Variants in ANKS1B observed in about 807,000 individuals in gnomAD.
The protein encoded by ANKS1B is ankyrin repeat and sterile alpha motif domain containing 1B.
Under a neutral mutation model 148.3 loss-of-function variants are expected in ANKS1B, and 36 were observed. The observed-to-expected ratio is 0.24, with a 90% CI of 0.19 to 0.32. ANKS1B has a LOEUF of 0.32. ANKS1B is among the 10% of genes least tolerant of loss of function. The pLI, the probability that ANKS1B is intolerant of heterozygous loss-of-function variation, is 1.00. For synonymous variants in ANKS1B, 542 were observed against 560.8 expected, an observed-to-expected ratio of 0.97 and a Z score of 0.47; for missense variants, 1,157 against 1,542.6, an observed-to-expected ratio of 0.75 and a Z score of 4.19.
At position 98,872,407 on chromosome 12, in the gene ANKS1B, C is replaced by T. The variant is rs529428937; in HGVS notation, c.2779-40271G>A. Among the ~76,000 whole-genome samples the T allele has an allele frequency of 5.3e-5, 8 of 152,196 alleles. No homozygotes were observed. In the East Asian group the frequency reaches 1.2e-3, roughly 22 times the overall value. On this transcript the variant is annotated intron_variant, in intron 17 of 26. Transcript: ENST00000683438. Reference sequence around the variant, plus strand: ...TACAAAAATTAGCTGGGCATGGTGGCGTGTGCCTGTAATCTCAGCTACTCG... The same window carrying T: ...TACAAAAATTAGCTGGGCATGGTGGTGTGTGCCTGTAATCTCAGCTACTCG...
At chr12:99,566,009 T>C (rs78366466) in intron 9 of ANKS1B, among the ~76,000 whole-genome samples, 2,345 of 152,282 alleles carry the variant, frequency 0.015, 70 homozygotes, top group East Asian at 0.1. Flanking sequence ...AGAGCCTTTG[T>C]ACTGAATACG....
chr12:98,831,916 A>T, intron 18 of ANKS1B, 113 bp downstream of exon 18: 1 of 994,520 alleles, frequency 1.0e-6, no homozygotes, highest in Non-Finnish European at 1.5e-6. Context: ...CACCTGGCTA[A>T]ATTTTTTCTG....
intron 8 of ANKS1B, among the ~76,000 whole-genome samples, chr12:99,705,388 A>G (rs2153527535): frequency 6.6e-6 from 1 of 152,182 alleles, no homozygotes; most frequent in African/African-American, 2.4e-5. Context: ...ACTTCCCATT[A>G]GGAGCTTAAA....
At chr12:99,627,945 A>G (rs570438804) in intron 9 of ANKS1B, among the ~76,000 whole-genome samples, 1 of 152,310 alleles carries the variant, frequency 6.6e-6, no homozygotes, top group African/African-American at 2.4e-5. Flanking sequence ...CCCATCTCGC[A>G]TTCCACAAAG....
At chr12:99,836,449 T>TAA (rs1432346244) in intron 1 of ANKS1B, among the ~76,000 whole-genome samples, 1 of 152,178 alleles carries the variant, frequency 6.6e-6, no homozygotes, top group Non-Finnish European at 1.5e-5. Context: ...TTCTGATGAA[T>TAA]AATGTGCACC....
intron 12 of ANKS1B, among the ~76,000 whole-genome samples, chr12:99,278,525 T>C (rs887326945): frequency 1.3e-5 from 2 of 152,208 alleles, no homozygotes; most frequent in Non-Finnish European, 2.9e-5. Context: ...TTTGTTTCCA[T>C]ATGCTTTTGT....
intron 17 of ANKS1B, among the ~76,000 whole-genome samples, chr12:98,891,812 TG>T (rs2099753375): frequency 6.6e-6 from 1 of 152,224 alleles, no homozygotes; most frequent in African/African-American, 2.4e-5. Flanking sequence ...ACTTATGCTT[TG>T]TTGTTGGCTA....
At chr12:99,784,172 T>C (rs1353733655) in intron 4 of ANKS1B, among the ~76,000 whole-genome samples, 4 of 144,852 alleles carry the variant, frequency 2.8e-5, no homozygotes, top group East Asian at 2.0e-4. Context: ...AACTTTCTTT[T>C]TTTTTTTTTT....
At chr12:99,896,728 T>C (rs1603444839) in intron 1 of ANKS1B, among the ~76,000 whole-genome samples, 1 of 151,350 alleles carries the variant, frequency 6.6e-6, no homozygotes, top group East Asian at 1.9e-4. Context: ...GCCTAGAACT[T>C]AAATGTGCCT....
chr12:99,473,406 C>T (rs2096271711), intron 10 of ANKS1B, among the ~76,000 whole-genome samples: 1 of 151,918 alleles, frequency 6.6e-6, no homozygotes, highest in South Asian at 2.1e-4. Context: ...AACAATATTG[C>T]AGTGAATATC....
At chr12:99,129,917 C>T (rs774365486) in intron 15 of ANKS1B, among the ~76,000 whole-genome samples, 5 of 152,104 alleles carry the variant, frequency 3.3e-5, no homozygotes, top group Non-Finnish European at 7.3e-5. Flanking sequence ...TGCACAAGAA[C>T]GGGATGAATG....
At chr12:99,520,087 G>T (rs1281594568) in intron 9 of ANKS1B, among the ~76,000 whole-genome samples, 1 of 152,114 alleles carries the variant, frequency 6.6e-6, no homozygotes, top group Non-Finnish European at 1.5e-5. Context: ...TTCTACTTAA[G>T]ATATGAGTAG....
chr12:99,332,614 T>G (rs763748505), intron 12 of ANKS1B, among the ~76,000 whole-genome samples: 15 of 151,846 alleles, frequency 9.9e-5, no homozygotes, highest in Non-Finnish European at 2.1e-4. Flanking sequence ...AGAACAAGTA[T>G]TGGAGACATA....
intron 17 of ANKS1B, among the ~76,000 whole-genome samples, chr12:98,995,265 C>A (rs1241942014): frequency 6.6e-6 from 1 of 151,980 alleles, no homozygotes; most frequent in Non-Finnish European, 1.5e-5. Context: ...TACAAGCAAC[C>A]TATGGAATAC....
intron 15 of ANKS1B, among the ~76,000 whole-genome samples, chr12:99,141,486 T>C (rs1292789498): frequency 6.6e-6 from 1 of 151,814 alleles, no homozygotes; most frequent in Non-Finnish European, 1.5e-5. Flanking sequence ...CATAGGTAAA[T>C]GTATGTCTTG....
intron 1 of ANKS1B, among the ~76,000 whole-genome samples, chr12:99,923,585 T>C (rs1018593616): frequency 2.6e-5 from 4 of 152,164 alleles, no homozygotes; most frequent in Non-Finnish European, 5.9e-5. Flanking sequence ...GCATTAGTGA[T>C]GGTGACAGAA....
intron 8 of ANKS1B, among the ~76,000 whole-genome samples, chr12:99,728,994 A>G (rs763296540): frequency 3.9e-5 from 6 of 152,326 alleles, no homozygotes; most frequent in Middle Eastern, 3.4e-3. Context: ...TGCACTTGGC[A>G]ATCAAAAAAT....
At chr12:99,444,427 A>G (rs2095601961) in intron 10 of ANKS1B, among the ~76,000 whole-genome samples, 1 of 152,024 alleles carries the variant, frequency 6.6e-6, no homozygotes, top group Non-Finnish European at 1.5e-5. Context: ...TAAATGAATA[A>G]AATTTCAGAA....
At chr12:99,946,675 T>C (rs956615579) in intron 1 of ANKS1B, among the ~76,000 whole-genome samples, 6 of 152,196 alleles carry the variant, frequency 3.9e-5, no homozygotes, top group African/African-American at 4.8e-5. Context: ...ACTTTGGCCA[T>C]GTGATTTGCT....
Sources: gnomAD v4.1 joint callset for allele counts (sites outside exome capture counted in the v4.1 genomes callset) on GRCh38, gnomAD v4.1.1 for gene constraint, MANE v1.5 for transcripts, NCBI Gene and HGNC (gene_info 2026-07-23, HGNC 2026-07-21) for gene names.